The following SDK1 variants were observed in gnomAD, a reference collection of about 807,000 sequenced individuals.
SDK1 encodes the protein sidekick cell adhesion molecule 1.
Under a neutral mutation model 245.5 loss-of-function variants are expected in SDK1, and 157 were observed. The observed-to-expected ratio is 0.64, with a 90% CI of 0.56 to 0.73. The LOEUF (loss-of-function observed/expected upper bound fraction) is 0.73, where lower values mean the gene tolerates loss of function less well. Among genes scored for constraint, SDK1 ranks in the 30% least tolerant of loss-of-function variants. SDK1 has a pLI of 0.00. For synonymous variants in SDK1, 1,647 were observed against 1,278.5 expected (o/e 1.29, Z -6.15); for missense variants, 3,583 against 3,002.3 (o/e 1.19, Z -4.52).
chr7:4,029,818 G>C (rs74854488), intron 17 of SDK1, among the ~76,000 whole-genome samples: 1 of 152,130 alleles, frequency 6.6e-6, no homozygotes, highest in African/African-American at 2.4e-5. Flanking sequence ...GTAATTCATC[G>C]ATTCTGCCCC....
rs571643282 is a variant in SDK1, at chr7:3,949,777, G to A, written c.848-1146G>A. On this transcript the variant is annotated intron_variant, in intron 5 of 44. Coordinates refer to ENST00000404826, the MANE Select transcript of SDK1 (RefSeq NM_152744.4). ...TTTTCTCCCTTGTCACCAGAAGTACGAGATAAATTATTTATAGTTTGATAC... is the reference window on the plus strand; with the variant it reads ...TTTTCTCCCTTGTCACCAGAAGTACAAGATAAATTATTTATAGTTTGATAC... Among the ~76,000 whole-genome samples the A allele has an allele frequency of 5.3e-5, 8 of 152,230 alleles. No individual in the cohort carries two copies. In the South Asian group the frequency reaches 6.2e-4, roughly 12 times the overall value.
rs141738959 is a variant in SDK1 at position 3,840,522 on chromosome 7, T to G, written c.847+18939T>G. Among the ~76,000 whole-genome samples the G allele has an allele frequency of 8.6e-4, 131 of 152,326 alleles. 3 individuals are homozygous for G. The East Asian group carries it at 0.021, about 24-fold the overall frequency. On this transcript the variant is annotated intron_variant, in intron 5 of 44. Coordinates refer to ENST00000404826, the MANE Select transcript of SDK1 (RefSeq NM_152744.4). ...GTACTATCAGCATCATCCTGGGAACTTGTTAGAAATGCAGAATTTGGGGCT... is the reference window on the plus strand; with the variant it reads ...GTACTATCAGCATCATCCTGGGAACGTGTTAGAAATGCAGAATTTGGGGCT...
chr7:3,582,973 A>T (rs747422584), intron 1 of SDK1, among the ~76,000 whole-genome samples: 1 of 152,236 alleles, frequency 6.6e-6, no homozygotes, highest in Non-Finnish European at 1.5e-5. Flanking sequence ...TCATGCATCT[A>T]GAACTCCGAA....
chr7:3,593,824 G>A (rs902093307), intron 1 of SDK1, among the ~76,000 whole-genome samples: 10 of 152,006 alleles, frequency 6.6e-5, no homozygotes, highest in South Asian at 4.2e-4. Context: ...TTGCCACTTC[G>A]CAGCTCTTTT....
chr7:4,117,320 T>G (rs541004229), intron 25 of SDK1, among the ~76,000 whole-genome samples: 1 of 152,054 alleles, frequency 6.6e-6, no homozygotes, highest in East Asian at 1.9e-4. Flanking sequence ...ATACAAAAAT[T>G]AGCCAGGTGT....
intron 44 of SDK1, among the ~76,000 whole-genome samples, chr7:4,252,069 T>A (rs1035437936): frequency 3.3e-5 from 5 of 152,354 alleles, no homozygotes; most frequent in African/African-American, 1.2e-4. Context: ...CTCTTTTTTT[T>A]ATTATACGTT....
At chr7:3,974,315 A>G in intron 12 of SDK1, 54 bp from the exon 13 acceptor site, 1 of 1,494,856 alleles carries the variant, frequency 6.7e-7, no homozygotes, top group Non-Finnish European at 9.2e-7. Context: ...GGGAAGGAGC[A>G]GTGATTCTGT....
intron 1 of SDK1, among the ~76,000 whole-genome samples, chr7:3,391,927 C>A: frequency 6.7e-6 from 1 of 149,348 alleles, no homozygotes; most frequent in African/African-American, 2.5e-5. Flanking sequence ...CCATGTTTGG[C>A]CAACAACTGA....
chr7:4,135,327 T>A lies in SDK1; in HGVS notation c.4228+2904T>A, dbSNP rs549602209. On this transcript the variant is annotated intron_variant, in intron 28 of 44. Transcript: ENST00000404826. ...AGGAGCGGGAGTTTGTGCGTCCACT[T>A]TGGGGAGTGCTCACCAGGAAAGGTG... Among the ~76,000 whole-genome samples, 3 of 152,202 alleles carry A rather than the reference T, an allele frequency of 2.0e-5. No individual in the cohort carries two copies. In the East Asian group the frequency reaches 5.8e-4, roughly 29 times the overall value.
chr7:3,849,513 G>C (rs1780367608), intron 5 of SDK1, among the ~76,000 whole-genome samples: 1 of 152,180 alleles, frequency 6.6e-6, no homozygotes. Flanking sequence ...AGGAAAATTT[G>C]TTTAACCACT....
At chr7:3,696,898 T>C (rs1221074743) in intron 4 of SDK1, among the ~76,000 whole-genome samples, 1 of 151,740 alleles carries the variant, frequency 6.6e-6, no homozygotes, top group African/African-American at 2.4e-5. Context: ...ATATTTACCA[T>C]AGAAGTTCCT....
chr7:4,237,938 G>A (rs1026421901), intron 42 of SDK1, among the ~76,000 whole-genome samples, 154 bp downstream of exon 42: 1 of 152,124 alleles, frequency 6.6e-6, no homozygotes, highest in Non-Finnish European at 1.5e-5. Context: ...CTTTCTGGGG[G>A]CAGCCAGGCA....
At chr7:3,309,522 A>G (rs938709372) in intron 1 of SDK1, among the ~76,000 whole-genome samples, 2 of 59,180 alleles carry the variant, frequency 3.4e-5, no homozygotes, top group Non-Finnish European at 3.5e-5. Context: ...CACTAGAAAA[A>G]GATTTTTTTT....
In SDK1 at chr7:3,504,873, C is replaced by A. The variant is rs1782341069; in HGVS notation, c.299-114207C>A. Among the ~76,000 whole-genome samples the A allele has an allele frequency of 4.0e-5, 6 of 151,632 alleles. No homozygotes were observed. The South Asian group carries it at 1.0e-3, about 26-fold the overall frequency. On this transcript the variant is annotated intron_variant, in intron 1 of 44. Transcript: ENST00000404826. ...GGCAGTTCCTGAAAATGTTAAAATA[C>A]AATTAATATATGACCTAGCAATTCT...
intron 4 of SDK1, among the ~76,000 whole-genome samples, chr7:3,686,100 A>G (rs887382781): frequency 6.6e-6 from 1 of 152,062 alleles, no homozygotes; most frequent in Non-Finnish European, 1.5e-5. Context: ...TTTGAGATGG[A>G]GTTTTGCTCT....
intron 22 of SDK1, among the ~76,000 whole-genome samples, chr7:4,096,077 C>T (rs1415055592): frequency 2.6e-5 from 4 of 152,194 alleles, no homozygotes; most frequent in Non-Finnish European, 5.9e-5. Context: ...GTAAAGCGTC[C>T]ACTTTCCTGT....
intron 1 of SDK1, among the ~76,000 whole-genome samples, chr7:3,586,310 A>C (rs1031164376): frequency 2.6e-5 from 4 of 152,060 alleles, no homozygotes; most frequent in Admixed American, 1.3e-4. Context: ...CATGAGTGGG[A>C]GGAAGTGCAC....
At chr7:4,031,914 C>G (rs1187585826) in intron 17 of SDK1, among the ~76,000 whole-genome samples, 3 of 151,690 alleles carry the variant, frequency 2.0e-5, no homozygotes. Context: ...ATAATCCCAG[C>G]TACTCAGGAG....
chr7:3,352,574 G>T (rs1217431757), intron 1 of SDK1, among the ~76,000 whole-genome samples: 1 of 152,082 alleles, frequency 6.6e-6, no homozygotes, highest in Non-Finnish European at 1.5e-5. Context: ...GACACCTAAG[G>T]AAATTTGAGG....
Sources: gnomAD v4.1 joint callset for allele counts (sites outside exome capture counted in the v4.1 genomes callset) on GRCh38, gnomAD v4.1.1 for gene constraint, MANE v1.5 for transcripts, NCBI Gene and HGNC (gene_info 2026-07-23, HGNC 2026-07-21) for gene names.